Variants in DNAH10 observed in about 807,000 individuals in gnomAD.
DNAH10 encodes the protein dynein axonemal heavy chain 10, also known as axonemal beta dynein heavy chain 10.
In DNAH10, 348 loss-of-function variants were observed where a neutral mutation model predicts 506.6. That is an observed-to-expected ratio of 0.69 (90% CI 0.63 to 0.75). DNAH10 has a LOEUF of 0.75. DNAH10 is among the 30% of genes least tolerant of loss of function. The pLI, the probability that DNAH10 is intolerant of heterozygous loss-of-function variation, is 0.00. For synonymous variants in DNAH10, 2,059 were observed against 2,198.6 expected, an observed-to-expected ratio of 0.94 and a Z score of 1.78; for missense variants, 5,179 against 5,787.1, an observed-to-expected ratio of 0.89 and a Z score of 3.41.
At position 123,787,928 on chromosome 12, in the gene DNAH10, T is replaced by C; in HGVS notation, c.1546T>C (p.Phe516Leu). Residue 516 changes from phenylalanine to leucine, a missense_variant, in exon 10 of 79, where the codon TTT becomes CTT. By Grantham distance (22) the Phe-to-Leu change is conservative. This residue lies in a region of DNAH10 where 4,844 missense variants were observed against 5,430.5 expected (regional missense o/e 0.89). Transcript: ENST00000673944. The surrounding 1 kb of genome is among the most constrained non-coding windows in gnomAD (Gnocchi z 4.6). ...EASGREDRWE[F>L]DRKRLFERTD... Reference sequence around the variant, plus strand: ...TTCGGGGAGGGAAGATCGGTGGGAGTTTGACCGGAAGCGGCTGTTCGAGAG... The same window carrying C: ...TTCGGGGAGGGAAGATCGGTGGGAGCTTGACCGGAAGCGGCTGTTCGAGAG... 1 of 1,607,964 alleles carries C rather than the reference T, an allele frequency of 6.2e-7. No homozygotes were observed. The highest frequency in any genetic ancestry group is 8.5e-7 in the Non-Finnish European group (1 of 1,177,554).
intron 13 of DNAH10, 79 bp from the exon 14 acceptor site, chr12:123,799,147 ATATATTATATTTATAATTTG>A (rs1958389397): frequency 1.5e-6 from 1 of 663,300 alleles, no homozygotes; most frequent in African/African-American, 1.9e-5. Flanking sequence ...ATAATAATTT[ATATATTATATTTATAATTTG>A]TATAAATTAT....
At position 123,887,230 on chromosome 12, in the gene DNAH10, A is replaced by T; in HGVS notation, c.8912A>T (p.Asn2971Ile). 6.2e-7 allele frequency: 1 copy of T among 1,613,986 alleles called. No individual in the cohort carries two copies. The highest frequency in any genetic ancestry group is 8.5e-7 in the Non-Finnish European group (1 of 1,179,870). ...KSLYLKLGIENKAMIFLFTDA... is the reference protein window; with the variant it reads ...KSLYLKLGIEIKAMIFLFTDA... ...CTCTATTTGAAACTTGGGATTGAGAACAAAGCGATGATCTTTCTGTTCACG... is the reference window on the plus strand; with the variant it reads ...CTCTATTTGAAACTTGGGATTGAGATCAAAGCGATGATCTTTCTGTTCACG... The change falls in exon 52 of 79, where the codon AAC (asparagine) becomes ATC (isoleucine). Residue 2971 changes from asparagine to isoleucine, a missense_variant. Coordinates refer to ENST00000673944, the MANE Select transcript of DNAH10 (RefSeq NM_001372106.1).
chr12:123,894,082 CTTTTTTTTTT>C (rs558490981), intron 53 of DNAH10, among the ~76,000 whole-genome samples: 4 of 89,150 alleles, frequency 4.5e-5, no homozygotes, highest in South Asian at 4.1e-4. Flanking sequence ...AATGAGCATC[CTTTTTTTTTT>C]TTTTTTTTTT....
At position 123,918,778 on chromosome 12, in the gene DNAH10, G is replaced by A. The variant is rs747090908; in HGVS notation, c.11335G>A (p.Val3779Ile). The change falls in exon 65 of 79, where the codon GTC becomes ATC. Residue 3779 changes from valine (V) to isoleucine (I), a missense_variant. By Grantham distance (29) the Val-to-Ile change is conservative. This residue lies in a region of DNAH10 where 4,844 missense variants were observed against 5,430.5 expected (regional missense o/e 0.89). Transcript: ENST00000673944. ...AARRGAILFF[V>I]LSEMALVNSM... ...CAGGAGGGGGGCCATCCTGTTCTTC[G>A]TCCTGTCTGAGATGGCCCTGGTGAA... The A allele has an allele frequency of 1.4e-5, 22 of 1,613,142 alleles. No homozygotes were observed. The highest frequency in any genetic ancestry group is 8.9e-5 in the East Asian group (4 of 44,878).
In DNAH10 at chr12:123,787,958, G is replaced by C. The variant is rs1244415741; in HGVS notation, c.1576G>C (p.Asp526His). 1.9e-6 allele frequency: 3 copies of C among 1,591,782 alleles called. No homozygotes were observed. The highest frequency in any genetic ancestry group is 2.6e-6 in the Non-Finnish European group (3 of 1,169,174). ...CCGGAAGCGGCTGTTCGAGAGGACG[G>C]ATTATATGGCCACCATCTGCCAGGA... The part of the protein sequence containing the change: ...FDRKRLFERT[D>H]YMATICQDLS... The change falls in exon 10 of 79, where the codon GAT (aspartate) becomes CAT (histidine). Residue 526 changes from aspartate to histidine, a missense_variant. By Grantham distance (81) the Asp-to-His change is moderately conservative (BLOSUM62 -1). Transcript: ENST00000673944. This position sits in a 1 kb window ranked among gnomAD's most constrained non-coding sequence, Gnocchi z 4.6.
At position 123,933,348 on chromosome 12, in the gene DNAH10, C is replaced by T. The variant is rs759608432; in HGVS notation, c.13314C>T (p.Pro4438=). 1.3e-6 allele frequency: 2 copies of T among 1,590,562 alleles called. No homozygotes were observed. The highest frequency in any genetic ancestry group is 1.7e-6 in the Non-Finnish European group (2 of 1,168,156). Residue 4438 remains proline (P), a synonymous_variant, in exon 77 of 79, where the codon CCC becomes CCT. Transcript: ENST00000673944. The part of the protein sequence containing the change: ...QYMLWVTESE[P]SVMWLSGLHI... ...CTCTCCAGGTGACCGAGAGCGAGCC[C>T]AGCGTGATGTGGCTCTCGGGGCTGC... is the stretch of plus-strand genomic sequence containing the variant.
Position 123,850,887 on chromosome 12 carries a change from G to A in DNAH10, c.6103-1G>A. Reference sequence around the variant, plus strand: ...TTTCTTTCTTCCTTCTTGCCCTCCAGTTTGAAGGGCAGGAGATTTCCCTGG... The same window carrying A: ...TTTCTTTCTTCCTTCTTGCCCTCCAATTTGAAGGGCAGGAGATTTCCCTGG... On this transcript the variant is annotated splice_acceptor_variant, in intron 34 of 78. Transcript: ENST00000673944. LOFTEE classifies it high-confidence loss of function. This position sits in a 1 kb window ranked among gnomAD's most constrained non-coding sequence, Gnocchi z 5.5. 6.2e-7 allele frequency: 1 copy of A among 1,604,896 alleles called. No individual in the cohort carries two copies. Among genetic ancestry groups the A allele is most frequent in the Non-Finnish European group, 8.5e-7 (1 of 1,173,878 alleles).
chr12:123,892,013 T>C (rs1266914988), intron 52 of DNAH10, among the ~76,000 whole-genome samples: 1 of 152,216 alleles, frequency 6.6e-6, no homozygotes, highest in Non-Finnish European at 1.5e-5. Flanking sequence ...CGGGATTTCC[T>C]TGGGGCTGCT....
chr12:123,820,866 CGTT>C (rs1959324248), intron 24 of DNAH10, 108 bp downstream of exon 24: 2 of 1,298,126 alleles, frequency 1.5e-6, no homozygotes, highest in Non-Finnish European at 2.1e-6. Flanking sequence ...TTGGGTCTGA[CGTT>C]GTGGAAACGC....
rs377300494 is a variant in DNAH10, at chr12:123,897,081, C to T, written c.9281-689C>T. Among the ~76,000 whole-genome samples the T allele has an allele frequency of 5.9e-5, 9 of 152,236 alleles. 1 individual carries two copies. Among genetic ancestry groups the T allele is most frequent in the African/African-American group, 2.2e-4 (9 of 41,548 alleles). ...GAATTTGCCTGTTCTAGAGAGGGTT[C>T]GTATAAGTGGAATCATGCAATGTTT... On this transcript the variant is annotated intron_variant, in intron 54 of 78. Coordinates refer to ENST00000673944, the MANE Select transcript of DNAH10 (RefSeq NM_001372106.1).
At chr12:123,764,654 A>G (rs1272880279) in intron 1 of DNAH10, among the ~76,000 whole-genome samples, 5 of 152,056 alleles carry the variant, frequency 3.3e-5, no homozygotes, top group Non-Finnish European at 5.9e-5. Flanking sequence ...GTTCAGTCTC[A>G]CCTCAGAGGG....
intron 30 of DNAH10, among the ~76,000 whole-genome samples, chr12:123,843,592 T>G (rs1402136283): frequency 1.3e-5 from 2 of 151,930 alleles, no homozygotes; most frequent in Non-Finnish European, 2.9e-5. Context: ...TTTATTTATT[T>G]ATTGAGACAG....
intron 41 of DNAH10, among the ~76,000 whole-genome samples, chr12:123,866,345 G>A (rs1041770298): frequency 2.2e-4 from 31 of 141,972 alleles, no homozygotes; most frequent in Non-Finnish European, 4.3e-4. Context: ...CCAGGTTCAT[G>A]CCATTCTCCT....
chr12:123,764,440 G>A (rs1165373580), intron 1 of DNAH10, among the ~76,000 whole-genome samples: 2 of 152,010 alleles, frequency 1.3e-5, no homozygotes, highest in African/African-American at 4.8e-5. Flanking sequence ...ACACTCGCAG[G>A]ATTGACCGTT....
rs1416735287 is a variant in DNAH10, at chr12:123,826,727, T to C, written c.4220T>C (p.Leu1407Pro). 6.2e-7 allele frequency: 1 copy of C among 1,613,730 alleles called. No homozygotes were observed. The highest frequency in any genetic ancestry group is 1.3e-5 in the African/African-American group (1 of 74,938). Residue 1407 changes from leucine (L) to proline (P), a missense_variant, in exon 25 of 79, where the codon CTG (leucine) becomes CCG (proline). This residue lies in a region of DNAH10 where 4,844 missense variants were observed against 5,430.5 expected (regional missense o/e 0.89). Transcript: ENST00000673944. The stretch of plus-strand genomic sequence containing the variant: ...TGGTCTCAGACCCTTTGGATCAACC[T>C]GAATGTGCAGATTCTCCAGGAAGGA... ...EEWSQTLWIN[L>P]NVQILQEGIE...
In DNAH10 at chr12:123,902,917, C is replaced by CAG; in HGVS notation, c.9641-21_9641-20insGA. 6.4e-7 allele frequency: 1 copy of CAG among 1,562,606 alleles called. No individual in the cohort carries two copies. Among genetic ancestry groups the CAG allele is most frequent in the Non-Finnish European group, 8.7e-7 (1 of 1,154,018 alleles). ...ATCTCCTCTGAGCCCAAGCTTTACT[C>CAG]ACCCCCTGTCCTACCCTGCAGCCGA... On this transcript the variant is annotated intron_variant, in intron 56 of 78. Coordinates refer to ENST00000673944, the MANE Select transcript of DNAH10 (RefSeq NM_001372106.1). This position sits in a 1 kb window ranked among gnomAD's most constrained non-coding sequence, Gnocchi z 4.5.
chr12:123,901,624 G>T (rs780098641), intron 56 of DNAH10, among the ~76,000 whole-genome samples: 1 of 152,124 alleles, frequency 6.6e-6, no homozygotes, highest in East Asian at 1.9e-4. Flanking sequence ...ATGATCTGGG[G>T]GCTGAAAACA....
Position 123,913,325 on chromosome 12 carries a change from G to A in DNAH10, c.10352+10G>A. 6.4e-7 allele frequency: 1 copy of A among 1,569,822 alleles called. No individual in the cohort carries two copies. The highest frequency in any genetic ancestry group is 8.6e-7 in the Non-Finnish European group (1 of 1,157,108). On this transcript the variant is annotated intron_variant, in intron 60 of 78. Coordinates refer to ENST00000673944, the MANE Select transcript of DNAH10 (RefSeq NM_001372106.1). The surrounding 1 kb of genome is among the most constrained non-coding windows in gnomAD (Gnocchi z 5.1). ...GGTCAGAAAACATCAGGTTAGCGCT[G>A]CTCACGAGCCCACCTGTTGCGGTTT... is the stretch of plus-strand genomic sequence containing the variant.
chr12:123,806,539 T>A (rs1436444393), intron 18 of DNAH10, among the ~76,000 whole-genome samples: 3 of 152,228 alleles, frequency 2.0e-5, no homozygotes, highest in African/African-American at 7.2e-5. Flanking sequence ...AGTATCTTTG[T>A]GAGCTGCTAA....
Sources: gnomAD v4.1 joint callset for allele counts (sites outside exome capture counted in the v4.1 genomes callset) on GRCh38, gnomAD v4.1.1 for gene constraint, gnomAD v4.1.1 regional missense constraint, Gnocchi (gnomAD v3.1) non-coding constraint, MANE v1.5 for transcripts, NCBI Gene and HGNC (gene_info 2026-07-23, HGNC 2026-07-21) for gene names.